Variants in GRM8 observed in about 807,000 individuals in gnomAD.
GRM8 encodes the protein glutamate metabotropic receptor 8.
A neutral mutation model predicts 87.2 loss-of-function variants in GRM8; 47 were observed. The observed-to-expected ratio is 0.54, with a 90% CI of 0.43 to 0.69. GRM8 has a LOEUF of 0.69. GRM8 is among the 30% of genes least tolerant of loss of function. GRM8 has a pLI of 0.00. For missense variants in GRM8, 1,019 were observed against 1,139.2 expected (o/e 0.89, Z 1.52); for synonymous variants, 396 against 404.5 (o/e 0.98, Z 0.25).
intron 6 of GRM8, among the ~76,000 whole-genome samples, chr7:126,850,511 T>G (rs2130712809): frequency 6.6e-6 from 1 of 152,268 alleles, no homozygotes; most frequent in Non-Finnish European, 1.5e-5. Context: ...CCATGATAGT[T>G]TTAGTAAGAT....
chr7:126,729,934 C>T (rs1273098444), intron 7 of GRM8, among the ~76,000 whole-genome samples: 2 of 152,094 alleles, frequency 1.3e-5, no homozygotes, highest in Non-Finnish European at 2.9e-5. Context: ...CTAAAGAGTT[C>T]TGGAGCAAAA....
At chr7:126,528,421 A>G (rs1814252054) in intron 9 of GRM8, among the ~76,000 whole-genome samples, 1 of 152,190 alleles carries the variant, frequency 6.6e-6, no homozygotes, top group South Asian at 2.1e-4. Flanking sequence ...TGAGTGCTGA[A>G]GAGAAAATGG....
intron 7 of GRM8, among the ~76,000 whole-genome samples, chr7:126,725,401 C>A (rs1361627200): frequency 6.6e-6 from 1 of 152,160 alleles, no homozygotes; most frequent in African/African-American, 2.4e-5. Flanking sequence ...CTTACACTGC[C>A]TAGGACGAAG....
chr7:126,590,863 C>A (rs1428432082), intron 8 of GRM8, among the ~76,000 whole-genome samples: 1 of 152,116 alleles, frequency 6.6e-6, no homozygotes, highest in African/African-American at 2.4e-5. Context: ...GTAAGAACTA[C>A]TAAAAGGTGC....
At chr7:126,953,924 C>T (rs1414076220) in intron 3 of GRM8, among the ~76,000 whole-genome samples, 1 of 152,088 alleles carries the variant, frequency 6.6e-6, no homozygotes, top group Non-Finnish European at 1.5e-5. Context: ...TCAAATTGAA[C>T]CCCCTGGCCA....
chr7:127,155,358 T>G (rs916256757), intron 2 of GRM8, among the ~76,000 whole-genome samples: 1 of 152,174 alleles, frequency 6.6e-6, no homozygotes, highest in African/African-American at 2.4e-5. Flanking sequence ...GAAATTTATT[T>G]TCTTGAAATA....
At chr7:126,482,824 T>TA (rs1424077653) in intron 9 of GRM8, among the ~76,000 whole-genome samples, 1 of 151,866 alleles carries the variant, frequency 6.6e-6, no homozygotes, top group Non-Finnish European at 1.5e-5. Flanking sequence ...TACTACAGTT[T>TA]AAAAAATAGA....
At chr7:126,834,257 T>A (rs1423972686) in intron 6 of GRM8, among the ~76,000 whole-genome samples, 2 of 152,188 alleles carry the variant, frequency 1.3e-5, no homozygotes, top group Non-Finnish European at 2.9e-5. Flanking sequence ...AATCCTCATA[T>A]CCAATCTAAA....
In GRM8 at chr7:126,609,416, G is replaced by GT. The variant is rs1455085554; in HGVS notation, c.1439dup (p.Asn480LysfsTer28). The GT allele has an allele frequency of 6.2e-7, 1 of 1,613,356 alleles. No individual in the cohort carries two copies. Among genetic ancestry groups the GT allele is most frequent in the Non-Finnish European group, 8.5e-7 (1 of 1,179,338 alleles). ...CGATGACTTTGTACTCTGTGCTTTTGTTGGTTATTTGATACTGGAAGATAT... is the reference window on the plus strand; with the variant it reads ...CGATGACTTTGTACTCTGTGCTTTTGTTTGGTTATTTGATACTGGAAGATAT... On this transcript the variant is annotated frameshift_variant, in exon 8 of 11. Transcript: ENST00000339582. LOFTEE classifies it high-confidence loss of function.
intron 7 of GRM8, among the ~76,000 whole-genome samples, chr7:126,688,861 CAAT>C (rs1173940848): frequency 1.3e-5 from 2 of 152,058 alleles, no homozygotes; most frequent in African/African-American, 4.8e-5. Flanking sequence ...AAATAACTCA[CAAT>C]GAGAGCTCTC....
chr7:126,653,256 T>C (rs1035784912), intron 7 of GRM8, among the ~76,000 whole-genome samples: 6 of 144,894 alleles, frequency 4.1e-5, no homozygotes, highest in African/African-American at 1.5e-4. Context: ...GAGCTACGAT[T>C]GCCACTGCAC....
chr7:126,603,886 C>T (rs1265999256), intron 8 of GRM8, among the ~76,000 whole-genome samples: 1 of 152,046 alleles, frequency 6.6e-6, no homozygotes, highest in Non-Finnish European at 1.5e-5. Context: ...TTCTCTCAAA[C>T]CCTGTTTCAA....
chr7:126,577,835 C>T (rs561357229), intron 8 of GRM8, among the ~76,000 whole-genome samples: 1 of 152,126 alleles, frequency 6.6e-6, no homozygotes, highest in East Asian at 1.9e-4. Context: ...TCTCTCCTCG[C>T]CTCTTTTAAT....
At chr7:126,752,797 G>C (rs1816575234) in intron 7 of GRM8, among the ~76,000 whole-genome samples, 1 of 152,024 alleles carries the variant, frequency 6.6e-6, no homozygotes. Flanking sequence ...CACAAATCAG[G>C]ACTCAGTTCA....
chr7:126,818,258 C>T (rs1051610975), intron 6 of GRM8, among the ~76,000 whole-genome samples: 11 of 152,108 alleles, frequency 7.2e-5, no homozygotes, highest in East Asian at 1.9e-4. Flanking sequence ...GGCTTCTAGA[C>T]GAGATATTTT....
chr7:126,641,227 G>A (rs1013142091), intron 7 of GRM8, among the ~76,000 whole-genome samples: 1 of 152,094 alleles, frequency 6.6e-6, no homozygotes. Context: ...CAGTGCAATG[G>A]TCTGTGACTA....
rs563203145 is a variant in GRM8 at position 126,926,689 on chromosome 7, T to C, written c.728-22006A>G. ...CTTCATAATTTAGCTCAGACTTCAG[T>C]CTTATCTCACATCAGTAACTCCACA... On this transcript the variant is annotated intron_variant, in intron 3 of 10. Transcript: ENST00000339582. Among the ~76,000 whole-genome samples the C allele has an allele frequency of 3.3e-5, 5 of 152,302 alleles. No homozygotes were observed. The South Asian group carries it at 1.0e-3, about 32-fold the overall frequency.
intron 7 of GRM8, among the ~76,000 whole-genome samples, chr7:126,615,973 G>A (rs1276952838): frequency 1.3e-5 from 2 of 152,084 alleles, no homozygotes; most frequent in African/African-American, 4.8e-5. Context: ...CAACGAGACA[G>A]AAAGTTAACA....
rs118071956 is a variant in GRM8, at chr7:126,642,858, C to T, written c.1358-33360G>A. 7.4e-3 allele frequency among the ~76,000 whole-genome samples: 1,125 copies of T among 152,156 alleles called. 8 individuals are homozygous for T. The highest frequency in any genetic ancestry group is 8.6e-3 in the Non-Finnish European group (584 of 68,020). ...GGTGATTCTGGGGAAGTTACTTTCT[C>T]TCCTGTTTCTTATCCATAAAATGGG... On this transcript the variant is annotated intron_variant, in intron 7 of 10. Transcript: ENST00000339582.
Sources: allele counts gnomAD v4.1 joint callset (sites outside exome capture counted in the v4.1 genomes callset), GRCh38; gene constraint gnomAD v4.1.1; transcripts MANE v1.5; gene names NCBI Gene and HGNC (gene_info 2026-07-23, HGNC 2026-07-21).